Variants in TMEM138 observed in about 807,000 individuals in gnomAD.
TMEM138 encodes the protein transmembrane protein 138.
Under a neutral mutation model 18.1 loss-of-function variants are expected in TMEM138, and 9 were observed. The observed-to-expected ratio is 0.50, with a 90% confidence interval of 0.30 to 0.87. The LOEUF is 0.87. Ranked by LOEUF, TMEM138 falls within the 40% of genes least tolerant of loss-of-function variation. The probability of loss-of-function intolerance (pLI) is 0.06; values close to 1 mark genes in which losing one functional copy is unlikely to be tolerated. For missense variants in TMEM138, 189 were observed against 190.6 expected (o/e 0.99, Z 0.05); for synonymous variants, 79 against 74.8 (o/e 1.06, Z -0.29).
At position 61,368,895 on chromosome 11, in the gene TMEM138, C is replaced by T. The variant is rs181615549; in HGVS notation, c.*186C>T. The T allele has an allele frequency of 1.8e-5, 11 of 599,408 alleles. No homozygotes were observed. The African/African-American group carries it at 1.8e-4, about 10-fold the overall frequency. The allele number at this position is 599,408 out of a possible 1,614,324, so 37.1% of individuals were successfully genotyped here. On this transcript the variant is annotated 3_prime_UTR_variant, in exon 5 of 5. Coordinates refer to ENST00000278826, the MANE Select transcript of TMEM138 (RefSeq NM_016464.5). ...ACAATTAGAGTGTCCCCATCGGTCT[C>T]CAGTGCGGCATCCCTTCCTTGCCTT...
chr11:61,372,603 A>G (rs1237919346), downstream of TMEM138, among the ~76,000 whole-genome samples: 2 of 152,080 alleles, frequency 1.3e-5, no homozygotes, highest in Non-Finnish European at 2.9e-5. Flanking sequence ...TAACATGGTG[A>G]AACCCCGTCT....
chr11:61,367,899 T>G lies in TMEM138; in HGVS notation c.301-24T>G. On this transcript the variant is annotated intron_variant, in intron 3 of 4. Coordinates refer to ENST00000278826, the MANE Select transcript of TMEM138 (RefSeq NM_016464.5). ...TAGGGCTTCTTGTGGCCATTAACTT[T>G]TGTGTATCTCACATCTCCTTCAGAA... is the stretch of plus-strand genomic sequence containing the variant. 1 of 1,549,080 alleles carries G rather than the reference T, an allele frequency of 6.5e-7. No individual in the cohort carries two copies. The highest frequency in any genetic ancestry group is 2.3e-5 in the East Asian group (1 of 44,438).
chr11:61,374,079 GTGA>G (rs1487234128), downstream of TMEM138, among the ~76,000 whole-genome samples: 1 of 151,394 alleles, frequency 6.6e-6, no homozygotes, highest in Non-Finnish European at 1.5e-5. Context: ...CTGAGCTCAG[GTGA>G]TCCATCCACC....
rs1045760713 is a variant in TMEM138 at position 61,368,597 on chromosome 11, C to T, written c.377C>T (p.Ala126Val). 1 of 1,593,826 alleles carries T rather than the reference C, an allele frequency of 6.3e-7. No homozygotes were observed. Among genetic ancestry groups the T allele is most frequent in the South Asian group, 1.1e-5 (1 of 90,680 alleles). Residue 126 changes from alanine (A) to valine (V), a missense_variant and splice_region_variant, in exon 5 of 5, where the codon GCA becomes GTA. Transcript: ENST00000278826. ...CTTCTCTTCTGCTTCCTCCCCACAG[C>T]AGCAGTGTTGTACTGCTACTTCTAT... ...LQMLFVFQRL[A>V]AVLYCYFYKR... is the part of the protein sequence containing the mutation.
At chr11:61,363,281 A>G (rs1221810151) in intron 1 of TMEM138, 1 of 152,196 alleles carries the variant, frequency 6.6e-6, no homozygotes, top group Non-Finnish European at 1.5e-5. Flanking sequence ...CATATGTCCA[A>G]TAAGGTGGGA....
chr11:61,364,314 T>C lies in TMEM138; in HGVS notation c.-77T>C. ...AAGGAACTAGAAGCCTCTCCCTCAG[T>C]GGTAGGGAGACAGCCAGGAGCGGTT... On this transcript the variant is annotated 5_prime_UTR_variant, in exon 2 of 5. Transcript: ENST00000278826. 2 of 1,533,658 alleles carry C rather than the reference T, an allele frequency of 1.3e-6. No individual in the cohort carries two copies. The highest frequency in any genetic ancestry group is 1.8e-6 in the Non-Finnish European group (2 of 1,120,324).
Position 61,368,698 on chromosome 11 carries a change from G to A in TMEM138, c.478G>A (p.Val160Ile), listed in dbSNP as rs1173523243. 5.6e-6 allele frequency: 9 copies of A among 1,613,456 alleles called. No individual in the cohort carries two copies. The highest frequency in any genetic ancestry group is 7.6e-6 in the Non-Finnish European group (9 of 1,179,534). ...SLWLRKEFMQ[V>I]RR ...GTGGCTGCGCAAGGAGTTCATGCAA[G>A]TTCGAAGGTGACCTCTTGTCACACT... The change falls in exon 5 of 5, where the codon GTT (valine) becomes ATT (isoleucine). Residue 160 changes from valine (V) to isoleucine (I), a missense_variant. By Grantham distance (29) the Val-to-Ile change is conservative (BLOSUM62 3). Transcript: ENST00000278826.
intron 3 of TMEM138, chr11:61,366,569 G>A (rs1590627041): frequency 5.7e-6 from 1 of 175,054 alleles, no homozygotes; most frequent in Non-Finnish European, 1.2e-5. Flanking sequence ...CTGGGTTCAA[G>A]CAATTCTCCT....
At chr11:61,365,985 T>A in intron 2 of TMEM138, 60 bp from the exon 3 acceptor site, 1 of 1,560,326 alleles carries the variant, frequency 6.4e-7, no homozygotes, top group Non-Finnish European at 8.7e-7. Flanking sequence ...CAGGACATAG[T>A]ACCTGCTCTT....
In TMEM138 at chr11:61,364,487, A is replaced by C. The variant is rs540604417; in HGVS notation, c.97A>C (p.Lys33Gln). The change falls in exon 2 of 5, where the codon AAG becomes CAG. Residue 33 changes from lysine (K) to glutamine (Q), a missense_variant. By Grantham distance (53) the Lys-to-Gln change is moderately conservative (BLOSUM62 1). Coordinates refer to ENST00000278826, the MANE Select transcript of TMEM138 (RefSeq NM_016464.5). ...CAATTCCTTCTCAGAACTGCTCCAA[A>C]AGACTCCTGTCATCCAGCTTGTGCT... is the stretch of plus-strand genomic sequence containing the variant. ...FVNSFSELLQ[K>Q]TPVIQLVLFI... 3.1e-6 allele frequency: 5 copies of C among 1,614,236 alleles called. No individual in the cohort carries two copies. In the East Asian group the frequency reaches 6.7e-5, roughly 22 times the overall value.
chr11:61,370,531 T>C (rs981047156), downstream of TMEM138, among the ~76,000 whole-genome samples: 2 of 152,084 alleles, frequency 1.3e-5, no homozygotes, highest in African/African-American at 2.4e-5. Context: ...GGGGGTGAGC[T>C]GAAGCCACAC....
chr11:61,366,963 T>C (rs1277386592), intron 3 of TMEM138: 2 of 152,198 alleles, frequency 1.3e-5, no homozygotes, highest in Non-Finnish European at 2.9e-5. Flanking sequence ...AACATTCAAT[T>C]CACCTTTGCC....
At chr11:61,368,069 T>C in intron 4 of TMEM138, 71 bp downstream of exon 4, 1 of 1,088,036 alleles carries the variant, frequency 9.2e-7, no homozygotes. Flanking sequence ...GCCTTGATGC[T>C]GGCTTCCCAG....
downstream of TMEM138, among the ~76,000 whole-genome samples, chr11:61,373,236 A>G (rs1858388926): frequency 6.6e-6 from 1 of 152,202 alleles, no homozygotes; most frequent in African/African-American, 2.4e-5. Flanking sequence ...AGGCGGACAG[A>G]TGAGATTGTA....
Position 61,364,279 on chromosome 11 carries a change from C to A in TMEM138, c.-112C>A. ...GCTTGCCTTAGAGCAAGGGAAACAG[C>A]TCTCATTCAAAGGAACTAGAAGCCT... On this transcript the variant is annotated 5_prime_UTR_variant, in exon 2 of 5. Transcript: ENST00000278826. 7.4e-7 allele frequency: 1 copy of A among 1,344,376 alleles called. No homozygotes were observed. Among genetic ancestry groups the A allele is most frequent in the Non-Finnish European group, 1.0e-6 (1 of 977,956 alleles). 83.3% of individuals were successfully genotyped at this position (1,344,376 alleles called of 1,614,324 possible).
At chr11:61,372,909 A>G (rs1858382549), downstream of TMEM138, among the ~76,000 whole-genome samples, 1 of 152,112 alleles carries the variant, frequency 6.6e-6, no homozygotes, top group South Asian at 2.1e-4. Context: ...AAACTTTTAT[A>G]TAATCAAGTT....
downstream of TMEM138, among the ~76,000 whole-genome samples, chr11:61,369,829 C>G (rs1359797989): frequency 6.6e-6 from 1 of 152,204 alleles, no homozygotes; most frequent in African/African-American, 2.4e-5. Flanking sequence ...GATCTGCTCA[C>G]ACGCCAGTGG....
At chr11:61,370,362 T>A (rs918780544), downstream of TMEM138, among the ~76,000 whole-genome samples, 3 of 152,208 alleles carry the variant, frequency 2.0e-5, no homozygotes, top group Non-Finnish European at 2.9e-5. Flanking sequence ...CTGGAATTCT[T>A]TAAGTAAAAG....
Position 61,364,451 on chromosome 11 carries a change from G to A in TMEM138, c.61G>A (p.Asp21Asn). The A allele has an allele frequency of 6.2e-7, 1 of 1,614,230 alleles. No individual in the cohort carries two copies. The highest frequency in any genetic ancestry group is 1.1e-5 in the South Asian group (1 of 91,088). ...LSLQFLLLSY[D>N]LFVNSFSELL... ...TCTGCAGTTCCTGCTGCTGTCCTAT[G>A]ACCTCTTTGTCAATTCCTTCTCAGA... The change falls in exon 2 of 5, where the codon GAC becomes AAC. Residue 21 changes from aspartate to asparagine, a missense_variant. By Grantham distance (23) the Asp-to-Asn change is conservative. Transcript: ENST00000278826.
Sources: gnomAD v4.1 joint callset for allele counts (sites outside exome capture counted in the v4.1 genomes callset) on GRCh38, gnomAD v4.1.1 for gene constraint, MANE v1.5 for transcripts, NCBI Gene and HGNC (gene_info 2026-07-23, HGNC 2026-07-21) for gene names.